ACOT11: variants seen among roughly 807,000 people sequenced by gnomAD.
ACOT11 encodes acyl-coenzyme A thioesterase 11.
ACOT11 carries 69 observed loss-of-function variants against 77.5 expected under a neutral mutation model. The observed-to-expected ratio is 0.89, with a 90% CI of 0.73 to 1.09. ACOT11 has a LOEUF of 1.09. Ranked by LOEUF, ACOT11 falls within the 50% of genes least tolerant of loss-of-function variation. The pLI is 0.00. For synonymous variants in ACOT11, 279 were observed against 313.0 expected (o/e 0.89, Z 1.15); for missense variants, 766 against 813.7 (o/e 0.94, Z 0.71).
At chr1:54,597,222 C>T in intron 6 of ACOT11, 37 bp from the exon 7 acceptor site, 2 of 1,605,098 alleles carry the variant, frequency 1.2e-6, no homozygotes, top group Non-Finnish European at 1.7e-6. Flanking sequence ...AATGTTCTCA[C>T]CTCCCTGCTT....
At chr1:54,568,358 C>CTTTTT (rs71045196) in intron 1 of ACOT11, among the ~76,000 whole-genome samples, 13 of 80,582 alleles carry the variant, frequency 1.6e-4, no homozygotes, top group East Asian at 6.4e-4. Context: ...TTCCCAGCAC[C>CTTTTT]TTTTTTTTTT....
At chr1:54,630,551 G>A (rs977886400) in intron 15 of ACOT11, among the ~76,000 whole-genome samples, 1 of 152,166 alleles carries the variant, frequency 6.6e-6, no homozygotes, top group East Asian at 1.9e-4. Context: ...ACATCCCTTC[G>A]TTTCCCATAA....
downstream of ACOT11, chr1:54,611,848 A>G (rs1361503900): frequency 2.1e-6 from 3 of 1,417,012 alleles, no homozygotes; most frequent in East Asian, 7.0e-5. Flanking sequence ...AGGGTAGAGC[A>G]TCTGTCCTCC....
chr1:54,611,937 T>C (rs1473582461), downstream of ACOT11, among the ~76,000 whole-genome samples: 1 of 151,958 alleles, frequency 6.6e-6, no homozygotes, highest in African/African-American at 2.4e-5. Flanking sequence ...GAAAGATGAC[T>C]GAAAGCAGAG....
chr1:54,610,269 G>A lies in ACOT11; in HGVS notation c.*1157G>A, dbSNP rs949938151. ...ATCACTGTACTCCCTCTCCCTCCCC[G>A]CAACCCTGCCCCACCTTGCATCCAG... On this transcript the variant is annotated 3_prime_UTR_variant, in exon 16 of 16. Coordinates refer to ENST00000343744, the MANE Select transcript of ACOT11 (RefSeq NM_147161.4). The A allele has an allele frequency of 4.7e-6, 7 of 1,489,302 alleles. No homozygotes were observed. The highest frequency in any genetic ancestry group is 2.3e-5 in the East Asian group (1 of 42,790). The allele number at this position is 1,489,302 out of a possible 1,614,324, so 92.3% of individuals were successfully genotyped here.
chr1:54,567,313 C>G (rs300282), intron 1 of ACOT11, among the ~76,000 whole-genome samples: 8 of 146,548 alleles, frequency 5.5e-5, no homozygotes, highest in Non-Finnish European at 1.0e-4. Context: ...CAGTCTCACT[C>G]TGTCTCCCAG....
rs1644097767 is a variant in ACOT11 at position 54,609,997 on chromosome 1, A to AAGAGTCCCTTGTTTTT, written c.*898_*899insTTTAGAGTCCCTTGTT. The AAGAGTCCCTTGTTTTT allele has an allele frequency of 6.5e-7, 1 of 1,544,632 alleles. No homozygotes were observed. The highest frequency in any genetic ancestry group is 8.7e-7 in the Non-Finnish European group (1 of 1,150,338). ...AGGATTTGGGTTATCATAAGGTGTT[A>AAGAGTCCCTTGTTTTT]AGAGTCCCTTGTTAAAGGGGCAGTG... On this transcript the variant is annotated 3_prime_UTR_variant, in exon 16 of 16. Coordinates refer to ENST00000343744, the MANE Select transcript of ACOT11 (RefSeq NM_147161.4).
chr1:54,633,464 G>A (rs1644312920), intron 16 of ACOT11, among the ~76,000 whole-genome samples: 1 of 152,166 alleles, frequency 6.6e-6, no homozygotes, highest in Non-Finnish European at 1.5e-5. Flanking sequence ...CCTTTTAATA[G>A]TCATAGATTT....
chr1:54,612,991 C>A (rs1644135051), downstream of ACOT11, among the ~76,000 whole-genome samples: 1 of 128,694 alleles, frequency 7.8e-6, no homozygotes, highest in Non-Finnish European at 1.6e-5. Context: ...CTTAAACATC[C>A]TCATATAGAC....
downstream of ACOT11, chr1:54,612,506 C>A (rs2101016067): frequency 6.2e-7 from 1 of 1,613,748 alleles, no homozygotes; most frequent in Non-Finnish European, 8.5e-7. Flanking sequence ...GGCTCAGCAG[C>A]CAGCTGAAGT....
At chr1:54,603,576 C>CAA (rs1450104251) in intron 10 of ACOT11, among the ~76,000 whole-genome samples, 1 of 152,154 alleles carries the variant, frequency 6.6e-6, no homozygotes, top group Non-Finnish European at 1.5e-5. Flanking sequence ...GAGGACACAG[C>CAA]AGCACCAGGG....
Position 54,594,644 on chromosome 1 carries a change from A to T in ACOT11, c.560A>T (p.Tyr187Phe), listed in dbSNP as rs149264358. ...GAGCGCCGGCGCATGCGCCTTGTCT[A>T]TGCAGACACCATCAAGGACCTCCTG... ...AAERRRMRLV[Y>F]ADTIKDLLAN... The change falls in exon 6 of 16, where the codon TAT (tyrosine) becomes TTT (phenylalanine). Residue 187 changes from tyrosine (Y) to phenylalanine (F), a missense_variant. Coordinates refer to ENST00000343744, the MANE Select transcript of ACOT11 (RefSeq NM_147161.4). 6.2e-7 allele frequency: 1 copy of T among 1,613,978 alleles called. No homozygotes were observed. The highest frequency in any genetic ancestry group is 1.3e-5 in the African/African-American group (1 of 74,952).
intron 1 of ACOT11, among the ~76,000 whole-genome samples, chr1:54,560,921 C>T (rs1653452401): frequency 6.6e-6 from 1 of 152,006 alleles, no homozygotes; most frequent in Admixed American, 6.6e-5. Context: ...CGGGGTTTCA[C>T]CATGTTGGCC....
intron 1 of ACOT11, among the ~76,000 whole-genome samples, chr1:54,571,744 G>A (rs1015671603): frequency 7.9e-5 from 12 of 152,226 alleles, no homozygotes; most frequent in African/African-American, 2.9e-4. Flanking sequence ...TTGTGCAAGG[G>A]GAAGCTGGGT....
chr1:54,638,370 T>G (rs969877207), exon 17 of ACOT11: 1 of 151,992 alleles, frequency 6.6e-6, no homozygotes, highest in Non-Finnish European at 1.5e-5. Flanking sequence ...ACTAAGAAAC[T>G]CTTTTGTGAG....
At chr1:54,549,645 A>G (rs1302358110) in intron 1 of ACOT11, among the ~76,000 whole-genome samples, 1 of 152,242 alleles carries the variant, frequency 6.6e-6, no homozygotes, top group South Asian at 2.1e-4. Flanking sequence ...AGACTGGCAC[A>G]TACATCCCTC....
At chr1:54,623,349 A>G (rs138062399) in intron 15 of ACOT11, 11 of 1,613,944 alleles carry the variant, frequency 6.8e-6, no homozygotes, top group African/African-American at 1.3e-5. Context: ...AATGCCGGCA[A>G]ACACCCACTT....
At chr1:54,557,511 C>A (rs1488590411) in intron 1 of ACOT11, among the ~76,000 whole-genome samples, 1 of 152,000 alleles carries the variant, frequency 6.6e-6, no homozygotes, top group Non-Finnish European at 1.5e-5. Context: ...AACTATTGGG[C>A]TCAAGCAATC....
intron 1 of ACOT11, among the ~76,000 whole-genome samples, chr1:54,562,694 G>T (rs1263506479): frequency 1.5e-4 from 14 of 95,004 alleles, no homozygotes; most frequent in South Asian, 1.3e-3. Context: ...CTCAGACGGG[G>T]CGGCCGGGCA....
Sources: allele counts gnomAD v4.1 joint callset (sites outside exome capture counted in the v4.1 genomes callset), GRCh38; gene constraint gnomAD v4.1.1; transcripts MANE v1.5; gene names NCBI Gene and HGNC (gene_info 2026-07-23, HGNC 2026-07-21).